The following PLXDC2 variants were observed in gnomAD, a reference collection of about 807,000 sequenced individuals.
PLXDC2 encodes plexin domain-containing protein 2.
Under a neutral mutation model 68.9 loss-of-function variants are expected in PLXDC2, and 40 were observed. The observed-to-expected ratio is 0.58, with a 90% confidence interval of 0.45 to 0.76. PLXDC2 has a LOEUF of 0.76. PLXDC2 is among the 30% of genes least tolerant of loss of function. PLXDC2 has a pLI of 0.00. For synonymous variants in PLXDC2, 243 were observed against 234.2 expected, an observed-to-expected ratio of 1.04 and a Z score of -0.34; for missense variants, 644 against 661.9, an observed-to-expected ratio of 0.97 and a Z score of 0.30.
intron 1 of PLXDC2, among the ~76,000 whole-genome samples, chr10:19,838,198 A>G (rs933133994): frequency 6.6e-6 from 1 of 152,048 alleles, no homozygotes; most frequent in African/African-American, 2.4e-5. Context: ...TTTGGGCTCT[A>G]GCAGTCCTCT....
In PLXDC2 at chr10:20,284,070, A is replaced by T. The variant is rs1226209091; in HGVS notation, c.*4251A>T. ...GCCAGGATCCACAGATCGCTTCAAGATGCTTTCGTTTATGATAGGAAATTA... is the reference window on the plus strand; with the variant it reads ...GCCAGGATCCACAGATCGCTTCAAGTTGCTTTCGTTTATGATAGGAAATTA... On this transcript the variant is annotated 3_prime_UTR_variant, in exon 14 of 14. Coordinates refer to ENST00000377252, the MANE Select transcript of PLXDC2 (RefSeq NM_032812.9). The T allele has an allele frequency of 6.6e-6, 1 of 152,072 alleles. No homozygotes were observed. Among genetic ancestry groups the T allele is most frequent in the Non-Finnish European group, 1.5e-5 (1 of 68,032 alleles). The allele number at this position is 152,072 out of a possible 1,614,324, so 9.4% of individuals were successfully genotyped here.
chr10:20,197,396 AGCAG>A (rs1459014729), intron 9 of PLXDC2, among the ~76,000 whole-genome samples: 1 of 152,024 alleles, frequency 6.6e-6, no homozygotes, highest in Non-Finnish European at 1.5e-5. Context: ...TTGCTCTGTC[AGCAG>A]GCTGGAGTGC....
chr10:20,171,636 G>A (rs1225731957), intron 7 of PLXDC2, among the ~76,000 whole-genome samples: 1 of 152,014 alleles, frequency 6.6e-6, no homozygotes, highest in African/African-American at 2.4e-5. Context: ...AATTTTCTGG[G>A]CATAGAAATC....
chr10:19,832,119 T>C (rs1326895316), intron 1 of PLXDC2, among the ~76,000 whole-genome samples: 7 of 152,242 alleles, frequency 4.6e-5, no homozygotes, highest in African/African-American at 7.2e-5. Context: ...CCAATGCTTA[T>C]TGATGTTGTT....
chr10:20,208,324 A>C (rs185775469), intron 9 of PLXDC2, among the ~76,000 whole-genome samples: 2 of 152,280 alleles, frequency 1.3e-5, no homozygotes, highest in Admixed American at 6.5e-5. Context: ...TGGTGCAGAC[A>C]AGAAAGAATG....
intron 9 of PLXDC2, among the ~76,000 whole-genome samples, chr10:20,196,412 C>A (rs745695618): frequency 6.6e-6 from 1 of 152,108 alleles, no homozygotes; most frequent in Non-Finnish European, 1.5e-5. Flanking sequence ...GTGCTAGGTG[C>A]CATGGAGGGT....
intron 13 of PLXDC2, among the ~76,000 whole-genome samples, chr10:20,258,241 C>T (rs1329449617): frequency 6.6e-6 from 1 of 151,768 alleles, no homozygotes; most frequent in Admixed American, 6.6e-5. Flanking sequence ...GACCCTGTGA[C>T]CCGCCCGCCT....
chr10:20,264,262 G>T (rs1057374634), intron 13 of PLXDC2, among the ~76,000 whole-genome samples: 3 of 152,100 alleles, frequency 2.0e-5, no homozygotes, highest in African/African-American at 7.2e-5. Flanking sequence ...GGAGCTAAAT[G>T]ATAAGAACTT....
chr10:19,961,158 G>T (rs777517338), intron 1 of PLXDC2, among the ~76,000 whole-genome samples: 10 of 152,204 alleles, frequency 6.6e-5, no homozygotes, highest in Non-Finnish European at 1.3e-4. Context: ...TACCCCAAAT[G>T]AAATAATTAT....
intron 4 of PLXDC2, among the ~76,000 whole-genome samples, chr10:20,102,228 C>G (rs1366295646): frequency 6.6e-6 from 1 of 152,194 alleles, no homozygotes; most frequent in East Asian, 1.9e-4. Flanking sequence ...AATACCAAAT[C>G]CACAATCTAC....
At chr10:19,963,346 C>T (rs1589558812) in intron 1 of PLXDC2, among the ~76,000 whole-genome samples, 1 of 152,270 alleles carries the variant, frequency 6.6e-6, no homozygotes, top group East Asian at 1.9e-4. Flanking sequence ...GAGAAAATGT[C>T]CACTGAGAGC....
intron 1 of PLXDC2, among the ~76,000 whole-genome samples, chr10:19,926,219 T>C (rs1223555542): frequency 6.6e-6 from 1 of 152,158 alleles, no homozygotes; most frequent in Non-Finnish European, 1.5e-5. Flanking sequence ...CTTTCTATCA[T>C]CCCATGGTAT....
chr10:19,967,698 T>C (rs1306297726), intron 1 of PLXDC2, among the ~76,000 whole-genome samples: 1 of 152,214 alleles, frequency 6.6e-6, no homozygotes, highest in Non-Finnish European at 1.5e-5. Context: ...GCAGATACTA[T>C]GTCATGTCCA....
At chr10:19,972,745 G>C (rs1246913586) in intron 1 of PLXDC2, among the ~76,000 whole-genome samples, 1 of 152,150 alleles carries the variant, frequency 6.6e-6, no homozygotes, top group Non-Finnish European at 1.5e-5. Flanking sequence ...ATAGGGAAGA[G>C]TTATTTTTAA....
At chr10:20,276,616 G>A (rs950341010) in intron 13 of PLXDC2, among the ~76,000 whole-genome samples, 4 of 152,126 alleles carry the variant, frequency 2.6e-5, no homozygotes, top group African/African-American at 9.7e-5. Flanking sequence ...TTACAGTCTG[G>A]TTTGAGTTCT....
intron 7 of PLXDC2, among the ~76,000 whole-genome samples, chr10:20,173,007 A>G (rs1834469405): frequency 6.6e-6 from 1 of 152,096 alleles, no homozygotes; most frequent in Non-Finnish European, 1.5e-5. Flanking sequence ...TTATTTAACA[A>G]CTCCAACTAG....
At chr10:20,122,694 TG>T (rs1385953194) in intron 4 of PLXDC2, among the ~76,000 whole-genome samples, 1 of 152,214 alleles carries the variant, frequency 6.6e-6, no homozygotes, top group Non-Finnish European at 1.5e-5. Context: ...AGTTCTTGTG[TG>T]CTGGAGATGT....
At chr10:20,231,981 G>A (rs1835371145) in intron 12 of PLXDC2, among the ~76,000 whole-genome samples, 1 of 151,544 alleles carries the variant, frequency 6.6e-6, no homozygotes. Context: ...GCTCCAACCT[G>A]GGTGACAGAA....
At chr10:20,115,709 A>G (rs2131753193) in intron 4 of PLXDC2, among the ~76,000 whole-genome samples, 1 of 152,340 alleles carries the variant, frequency 6.6e-6, no homozygotes, top group Middle Eastern at 3.4e-3. Context: ...ATTTGTGAAA[A>G]GGTTAAAATA....
Sources: allele counts gnomAD v4.1 joint callset (sites outside exome capture counted in the v4.1 genomes callset), GRCh38; gene constraint gnomAD v4.1.1; transcripts MANE v1.5; gene names NCBI Gene and HGNC (gene_info 2026-07-23, HGNC 2026-07-21).